PDZRN4: variants seen among roughly 807,000 people sequenced by gnomAD.
PDZRN4 encodes PDZ domain-containing RING finger protein 4.
In PDZRN4, 70 loss-of-function variants were observed where a neutral mutation model predicts 99.0. The observed-to-expected ratio is 0.71, with a 90% CI of 0.58 to 0.86. The LOEUF is 0.86. Ranked by LOEUF, PDZRN4 falls within the 40% of genes least tolerant of loss-of-function variation. The probability of loss-of-function intolerance (pLI) is 0.00; values close to 1 mark genes in which losing one functional copy is unlikely to be tolerated. For missense variants in PDZRN4, 1,474 were observed against 1,331.2 expected (o/e 1.11, Z -1.67); for synonymous variants, 551 against 501.6 (o/e 1.10, Z -1.32).
intron 3 of PDZRN4, among the ~76,000 whole-genome samples, chr12:41,346,195 G>A (rs1300932921): frequency 6.6e-6 from 1 of 152,182 alleles, no homozygotes; most frequent in African/African-American, 2.4e-5. Context: ...GGGCACGGTG[G>A]CTCACGCCTG....
intron 3 of PDZRN4, among the ~76,000 whole-genome samples, chr12:41,413,706 C>T (rs931287156): frequency 1.3e-5 from 2 of 151,556 alleles, no homozygotes; most frequent in Middle Eastern, 3.4e-3. Context: ...CTATGGGTGC[C>T]CTTATATGTG....
chr12:41,451,877 C>T (rs1952777213), intron 3 of PDZRN4, among the ~76,000 whole-genome samples: 1 of 152,134 alleles, frequency 6.6e-6, no homozygotes, highest in African/African-American at 2.4e-5. Context: ...TCTACTACAA[C>T]CAGAAAATCA....
intron 3 of PDZRN4, among the ~76,000 whole-genome samples, chr12:41,308,725 A>G (rs539806438): frequency 6.6e-6 from 1 of 152,336 alleles, no homozygotes; most frequent in African/African-American, 2.4e-5. Context: ...CAAAAAGAGC[A>G]TGTACTTATA....
At chr12:41,448,894 T>C (rs1323975751) in intron 3 of PDZRN4, among the ~76,000 whole-genome samples, 2 of 152,070 alleles carry the variant, frequency 1.3e-5, no homozygotes, top group Non-Finnish European at 2.9e-5. Flanking sequence ...CCCCTTAGAA[T>C]TGAGGAAACT....
At chr12:41,329,993 A>G (rs1285015248) in intron 3 of PDZRN4, among the ~76,000 whole-genome samples, 2 of 152,124 alleles carry the variant, frequency 1.3e-5, no homozygotes, top group Non-Finnish European at 2.9e-5. Context: ...GATTAGTCTG[A>G]GAATTATAGC....
intron 3 of PDZRN4, among the ~76,000 whole-genome samples, chr12:41,355,511 AAG>A (rs1951921250): frequency 6.6e-6 from 1 of 152,120 alleles, no homozygotes. Flanking sequence ...AGCAGCTGTT[AAG>A]TTATAATTAA....
At chr12:41,550,656 G>A (rs369655846) in intron 5 of PDZRN4, among the ~76,000 whole-genome samples, 1 of 152,072 alleles carries the variant, frequency 6.6e-6, no homozygotes, top group Non-Finnish European at 1.5e-5. Flanking sequence ...CTATAATATA[G>A]AGTATCTTTG....
Position 41,563,570 on chromosome 12 carries a change from A to G in PDZRN4, c.1388A>G (p.Asn463Ser). Residue 463 changes from asparagine (N) to serine (S), a missense_variant, in exon 8 of 10, where the codon AAT (asparagine) becomes AGT (serine). Asn to Ser is a conservative substitution (Grantham distance 46). Coordinates refer to ENST00000402685, the MANE Select transcript of PDZRN4 (RefSeq NM_001164595.2). ...ILQINGEDVQNREEAVALLSN... is the reference protein window; with the variant it reads ...ILQINGEDVQSREEAVALLSN... ...TAGATAAATGGGGAAGATGTCCAGA[A>G]TCGAGAAGAAGCAGTGGCCTTGCTG... The G allele has an allele frequency of 6.2e-7, 1 of 1,613,418 alleles. No individual in the cohort carries two copies. Among genetic ancestry groups the G allele is most frequent in the Non-Finnish European group, 8.5e-7 (1 of 1,179,448 alleles).
At chr12:41,552,163 A>G (rs552970295) in intron 5 of PDZRN4, among the ~76,000 whole-genome samples, 3 of 152,262 alleles carry the variant, frequency 2.0e-5, no homozygotes, top group Admixed American at 1.3e-4. Context: ...TTATTATCAT[A>G]TTGTGTAGAA....
chr12:41,253,285 A>G (rs1039325177), intron 3 of PDZRN4, among the ~76,000 whole-genome samples: 4 of 152,176 alleles, frequency 2.6e-5, no homozygotes, highest in African/African-American at 9.7e-5. Context: ...GTTTTCTTCT[A>G]GTAGTTTCAT....
At chr12:41,284,477 G>A (rs1362241046) in intron 3 of PDZRN4, among the ~76,000 whole-genome samples, 1 of 152,048 alleles carries the variant, frequency 6.6e-6, no homozygotes, top group African/African-American at 2.4e-5. Context: ...AGCTATTATT[G>A]ACTTTCTTCA....
intron 3 of PDZRN4, among the ~76,000 whole-genome samples, chr12:41,277,841 G>T (rs952698215): frequency 1.3e-5 from 2 of 152,190 alleles, no homozygotes; most frequent in Non-Finnish European, 2.9e-5. Context: ...ACATACAGAG[G>T]TTCCGTATGG....
In PDZRN4 at chr12:41,574,507, T is replaced by G. The variant is rs1380785754; in HGVS notation, c.*617T>G. On this transcript the variant is annotated 3_prime_UTR_variant, in exon 10 of 10. Coordinates refer to ENST00000402685, the MANE Select transcript of PDZRN4 (RefSeq NM_001164595.2). Reference sequence around the variant, plus strand: ...TGGACAATCTTCCTGTGATATGTAGTGACATTGGTCATGTAGCTAGATAAT... The same window carrying G: ...TGGACAATCTTCCTGTGATATGTAGGGACATTGGTCATGTAGCTAGATAAT... 2.6e-5 allele frequency: 4 copies of G among 152,664 alleles called. No individual in the cohort carries two copies. Among genetic ancestry groups the G allele is most frequent in the African/African-American group, 9.6e-5 (4 of 41,464 alleles). The allele number at this position is 152,664 out of a possible 1,614,324, so 9.5% of individuals were successfully genotyped here. A position where few individuals can be genotyped will look rare whatever the true frequency, so the allele number is the denominator to read the frequency against.
At chr12:41,191,411 CT>C in intron 1 of PDZRN4, 46 bp from the exon 2 acceptor site, 3 of 926,738 alleles carry the variant, frequency 3.2e-6, no homozygotes, top group South Asian at 2.8e-5. Flanking sequence ...ATTTATTTTT[CT>C]TTTATATTTT....
chr12:41,470,983 T>G (rs985866758), intron 3 of PDZRN4, among the ~76,000 whole-genome samples: 7 of 152,162 alleles, frequency 4.6e-5, no homozygotes, highest in African/African-American at 1.7e-4. Flanking sequence ...AATACAAATA[T>G]GTAATAACAC....
intron 3 of PDZRN4, among the ~76,000 whole-genome samples, chr12:41,319,037 A>G (rs1951657287): frequency 6.6e-6 from 1 of 152,158 alleles, no homozygotes; most frequent in African/African-American, 2.4e-5. Context: ...TTACTTTCTC[A>G]GAACATCTGT....
intron 3 of PDZRN4, among the ~76,000 whole-genome samples, chr12:41,217,551 T>C (rs1229388687): frequency 6.6e-6 from 1 of 152,044 alleles, no homozygotes; most frequent in African/African-American, 2.4e-5. Context: ...TAATGCCAAA[T>C]TTTCCCCAGG....
At chr12:41,348,673 G>A (rs1951870788) in intron 3 of PDZRN4, among the ~76,000 whole-genome samples, 1 of 152,012 alleles carries the variant, frequency 6.6e-6, no homozygotes, top group Non-Finnish European at 1.5e-5. Flanking sequence ...GCATACTTAA[G>A]TGATAATGGT....
rs1951461575 is a variant in PDZRN4, at chr12:41,292,300, C to G, written c.843+98112C>G. 2.0e-5 allele frequency among the ~76,000 whole-genome samples: 3 copies of G among 152,140 alleles called. No individual in the cohort carries two copies. In the South Asian group the frequency reaches 6.2e-4, roughly 32 times the overall value. ...CTTTATGAAAGGGGAGAATACCGTT[C>G]CAGATCTTGGCCTTCTAAGGATCAT... On this transcript the variant is annotated intron_variant, in intron 3 of 9. Coordinates refer to ENST00000402685, the MANE Select transcript of PDZRN4 (RefSeq NM_001164595.2).
Sources: allele counts gnomAD v4.1 joint callset (sites outside exome capture counted in the v4.1 genomes callset), GRCh38; gene constraint gnomAD v4.1.1; transcripts MANE v1.5; gene names NCBI Gene and HGNC (gene_info 2026-07-23, HGNC 2026-07-21).